OR51B5: variants seen among roughly 807,000 people sequenced by gnomAD.
OR51B5 encodes olfactory receptor family 51 subfamily B member 5.
For missense variants in OR51B5, 456 were observed against 374.6 expected (o/e 1.22, Z -1.79); for synonymous variants, 186 against 144.8 (o/e 1.28, Z -2.04).
At chr11:5,359,073 A>T (rs1222656525) in intron 1 of OR51B5, among the ~76,000 whole-genome samples, 1 of 152,208 alleles carries the variant, frequency 6.6e-6, no homozygotes, top group Admixed American at 6.5e-5. Context: ...ATTCCCTTTG[A>T]AAACTGGCAC....
chr11:5,495,864 A>C (rs1851643518), intron 1 of OR51B5, among the ~76,000 whole-genome samples: 1 of 152,236 alleles, frequency 6.6e-6, no homozygotes, highest in Non-Finnish European at 1.5e-5. Flanking sequence ...GGACACGCAT[A>C]GGCTGAAAGT....
At chr11:5,483,813 C>T (rs1343189732) in intron 1 of OR51B5, among the ~76,000 whole-genome samples, 2 of 152,104 alleles carry the variant, frequency 1.3e-5, no homozygotes, top group African/African-American at 4.8e-5. Flanking sequence ...CCCCGTTTAC[C>T]AATCCCCTTG....
intron 1 of OR51B5, chr11:5,488,657 G>C: frequency 8.3e-7 from 1 of 1,209,010 alleles, no homozygotes; most frequent in Non-Finnish European, 1.2e-6. Flanking sequence ...GATGTTACAG[G>C]GCAAGCATAA....
At chr11:5,351,838 G>A (rs1849093995) in intron 1 of OR51B5, 1 of 1,613,848 alleles carries the variant, frequency 6.2e-7, no homozygotes. Context: ...CATGGAGTCA[G>A]GTGTCTTGCT....
chr11:5,475,404 C>G (rs1344725974), intron 1 of OR51B5, among the ~76,000 whole-genome samples: 1 of 152,170 alleles, frequency 6.6e-6, no homozygotes, highest in Non-Finnish European at 1.5e-5. Flanking sequence ...ACTCCAACCT[C>G]AAGGCCTTAA....
chr11:5,423,535 G>A (rs1178191908), intron 1 of OR51B5, among the ~76,000 whole-genome samples: 6 of 152,084 alleles, frequency 3.9e-5, no homozygotes, highest in Non-Finnish European at 5.9e-5. Flanking sequence ...ATTCTCTTAG[G>A]CAGTTCCATT....
downstream of OR51B5, among the ~76,000 whole-genome samples, chr11:5,341,837 G>A (rs1276596227): frequency 6.6e-6 from 1 of 152,148 alleles, no homozygotes; most frequent in Admixed American, 6.5e-5. Flanking sequence ...CTAGCAACTA[G>A]GGTAGTAGAA....
intron 1 of OR51B5, among the ~76,000 whole-genome samples, chr11:5,375,282 C>T (rs1849507293): frequency 6.6e-6 from 1 of 151,230 alleles, no homozygotes; most frequent in South Asian, 2.1e-4. Context: ...CAAGCAAATG[C>T]TGAGAGATTT....
At chr11:5,384,375 T>G (rs1245379208) in intron 1 of OR51B5, among the ~76,000 whole-genome samples, 184 of 152,304 alleles carry the variant, frequency 1.2e-3, no homozygotes, top group African/African-American at 4.2e-3. Flanking sequence ...AATGAAGTCT[T>G]AGAAACCAGG....
chr11:5,374,704 G>T (rs910818267), intron 1 of OR51B5, among the ~76,000 whole-genome samples: 2 of 152,190 alleles, frequency 1.3e-5, no homozygotes, highest in Admixed American at 6.5e-5. Flanking sequence ...CTCAGGAGCT[G>T]ATGCGATCAA....
chr11:5,379,810 A>G (rs1340655175), intron 1 of OR51B5, among the ~76,000 whole-genome samples: 1 of 152,098 alleles, frequency 6.6e-6, no homozygotes. Flanking sequence ...ATACTTTCCC[A>G]TGAGTCTGGC....
At chr11:5,357,291 A>G (rs374007129) in intron 1 of OR51B5, among the ~76,000 whole-genome samples, 1 of 151,970 alleles carries the variant, frequency 6.6e-6, no homozygotes, top group Non-Finnish European at 1.5e-5. Flanking sequence ...ATCTACCAAG[A>G]AAATGGAAAA....
At chr11:5,351,257 A>G (rs1349550417) in intron 1 of OR51B5, among the ~76,000 whole-genome samples, 1 of 152,218 alleles carries the variant, frequency 6.6e-6, no homozygotes, top group Non-Finnish European at 1.5e-5. Flanking sequence ...TTCTGCATGA[A>G]TAGCTGTATC....
intron 1 of OR51B5, among the ~76,000 whole-genome samples, chr11:5,353,017 TAGGAATA>T (rs1255319207): frequency 6.6e-6 from 1 of 151,478 alleles, no homozygotes; most frequent in African/African-American, 2.4e-5. Flanking sequence ...CTGTTATACA[TAGGAATA>T]AGGCATTTTT....
chr11:5,363,059 G>A (rs1849309518), intron 1 of OR51B5, among the ~76,000 whole-genome samples: 1 of 152,010 alleles, frequency 6.6e-6, no homozygotes, highest in Non-Finnish European at 1.5e-5. Flanking sequence ...TGCAAGTGTT[G>A]TAAAATGTGC....
intron 1 of OR51B5, among the ~76,000 whole-genome samples, chr11:5,429,929 T>C (rs1850511069): frequency 6.6e-6 from 1 of 152,186 alleles, no homozygotes; most frequent in Non-Finnish European, 1.5e-5. Context: ...CATGCTTCAG[T>C]TGAGGTCTTT....
At chr11:5,413,083 C>T (rs915872513) in intron 1 of OR51B5, among the ~76,000 whole-genome samples, 2 of 152,200 alleles carry the variant, frequency 1.3e-5, no homozygotes, top group Non-Finnish European at 2.9e-5. Flanking sequence ...TCCTCTGAGA[C>T]AAAACTTCCA....
At chr11:5,488,665 T>A in intron 1 of OR51B5, 1 of 1,324,094 alleles carries the variant, frequency 7.6e-7, no homozygotes, top group Non-Finnish European at 1.1e-6. Flanking sequence ...AGGGCAAGCA[T>A]AACAATACTA....
chr11:5,397,270 C>A (rs181446877), intron 1 of OR51B5, among the ~76,000 whole-genome samples: 1 of 151,994 alleles, frequency 6.6e-6, no homozygotes, highest in Non-Finnish European at 1.5e-5. Context: ...AACAGGCAAC[C>A]TACACAATGG....
Sources: allele counts gnomAD v4.1 joint callset (sites outside exome capture counted in the v4.1 genomes callset), GRCh38; gene constraint gnomAD v4.1.1; transcripts MANE v1.5; gene names NCBI Gene and HGNC (gene_info 2026-07-23, HGNC 2026-07-21).